Variants in ANKFN1 observed in about 807,000 individuals in gnomAD.
The protein encoded by ANKFN1 is ankyrin repeat and fibronectin type III domain containing 1.
In ANKFN1, 74 loss-of-function variants were observed where a neutral mutation model predicts 108.7. That is an observed-to-expected ratio of 0.68 (90% confidence interval 0.56 to 0.83). The LOEUF (loss-of-function observed/expected upper bound fraction) is 0.83. ANKFN1 is among the 40% of genes least tolerant of loss of function. The pLI is 0.00. For missense variants in ANKFN1, 1,505 were observed against 1,382.3 expected, an observed-to-expected ratio of 1.09 and a Z score of -1.41; for synonymous variants, 547 against 516.2, an observed-to-expected ratio of 1.06 and a Z score of -0.81.
At chr17:56,254,832 G>A (rs1039072811) in intron 3 of ANKFN1, among the ~76,000 whole-genome samples, 12 of 152,172 alleles carry the variant, frequency 7.9e-5, no homozygotes, top group Admixed American at 6.5e-5. Flanking sequence ...ATGAAGGAGT[G>A]AAGGACCTGT....
intron 3 of ANKFN1, among the ~76,000 whole-genome samples, chr17:56,267,209 C>T (rs996531987): frequency 2.0e-5 from 3 of 152,126 alleles, no homozygotes; most frequent in Non-Finnish European, 4.4e-5. Context: ...ATGTGTGTTG[C>T]GGCAAAGGAC....
In ANKFN1 at chr17:56,457,832, C is replaced by T. The variant is rs201312453; in HGVS notation, c.1441-31C>T. The T allele has an allele frequency of 1.8e-5, 27 of 1,539,916 alleles. No homozygotes were observed. In the East Asian group the frequency reaches 3.1e-4, roughly 18 times the overall value. On this transcript the variant is annotated intron_variant, in intron 13 of 20. Coordinates refer to ENST00000682825, the MANE Select transcript of ANKFN1 (RefSeq NM_001370326.1). The stretch of plus-strand genomic sequence containing the variant: ...AACCTAAATCATGTACTGGCTTGGA[C>T]GATGACATGATTGCATGCCTTCTTT...
At chr17:56,245,315 A>G (rs1917881931) in intron 3 of ANKFN1, among the ~76,000 whole-genome samples, 3 of 152,022 alleles carry the variant, frequency 2.0e-5, no homozygotes, top group Admixed American at 1.3e-4. Context: ...TGAATCTAGT[A>G]TTTAGAGGGT....
intron 8 of ANKFN1, among the ~76,000 whole-genome samples, chr17:56,392,390 A>G (rs1180749510): frequency 4.6e-5 from 7 of 152,188 alleles, no homozygotes; most frequent in Non-Finnish European, 8.8e-5. Flanking sequence ...CAAGCCAGTC[A>G]TTTAGCCCCA....
In ANKFN1 at chr17:56,510,501, C is replaced by A. The variant is rs1257867716; in HGVS notation, c.2673C>A (p.Ala891=). 1.3e-6 allele frequency: 2 copies of A among 1,536,146 alleles called. No homozygotes were observed. The highest frequency in any genetic ancestry group is 4.9e-5 in the East Asian group (2 of 40,924). The part of the protein sequence containing the change: ...SDSQPCSDEE[A]CSEVFLPTNS... The stretch of plus-strand genomic sequence containing the variant: ...CACAGCCCTGCTCTGATGAAGAAGC[C>A]TGCTCAGAAGTCTTCCTCCCCACCA... Residue 891 remains alanine, a synonymous_variant, in exon 21 of 21, where the codon GCC becomes GCA. Coordinates refer to ENST00000682825, the MANE Select transcript of ANKFN1 (RefSeq NM_001370326.1).
chr17:56,431,945 A>G (rs10852984), intron 8 of ANKFN1, among the ~76,000 whole-genome samples: 117,051 of 152,050 alleles, frequency 0.77, 45,285 homozygotes, highest in East Asian at 0.97. Flanking sequence ...AGCTCTCTCC[A>G]TGCAAGCAAC....
chr17:56,269,990 A>G (rs915597031), intron 3 of ANKFN1, among the ~76,000 whole-genome samples: 2 of 152,252 alleles, frequency 1.3e-5, no homozygotes, highest in Non-Finnish European at 2.9e-5. Context: ...AGCTCTGTTT[A>G]AGAAGAGCTA....
chr17:56,350,930 C>A lies in ANKFN1; in HGVS notation c.353C>A (p.Thr118Lys). 6.2e-7 allele frequency: 1 copy of A among 1,613,688 alleles called. No individual in the cohort carries two copies. Among genetic ancestry groups the A allele is most frequent in the South Asian group, 1.1e-5 (1 of 91,064 alleles). Residue 118 changes from threonine (T) to lysine (K), a missense_variant, in exon 5 of 21, where the codon ACA (threonine) becomes AAA (lysine). Thr to Lys is a moderately conservative substitution (Grantham distance 78). Transcript: ENST00000682825. ...HSSFDEAYFR[T>K]RTDRLSLRKT... Reference sequence around the variant, plus strand: ...TCCTTCGATGAGGCCTATTTTAGGACAAGAACTGATCGGCTGAGTCTCAGG... The same window carrying A: ...TCCTTCGATGAGGCCTATTTTAGGAAAAGAACTGATCGGCTGAGTCTCAGG...
At chr17:56,316,532 T>C (rs1373547397) in intron 3 of ANKFN1, among the ~76,000 whole-genome samples, 1 of 152,148 alleles carries the variant, frequency 6.6e-6, no homozygotes, top group African/African-American at 2.4e-5. Flanking sequence ...AGAGATTTAT[T>C]CATTTAGCAG....
intron 3 of ANKFN1, among the ~76,000 whole-genome samples, chr17:56,297,227 G>A (rs887119101): frequency 3.6e-4 from 55 of 152,156 alleles, no homozygotes; most frequent in Admixed American, 1.6e-3. Context: ...TTATTGTTAC[G>A]GCGTCTGGGC....
intron 4 of ANKFN1, among the ~76,000 whole-genome samples, chr17:56,073,688 C>T (rs1905146554): frequency 6.6e-6 from 1 of 152,244 alleles, no homozygotes; most frequent in South Asian, 2.1e-4. Flanking sequence ...TCCCTTCAGT[C>T]CCTGGTGACC....
chr17:56,336,713 ATCT>A (rs1264412606), intron 4 of ANKFN1, among the ~76,000 whole-genome samples: 2 of 151,784 alleles, frequency 1.3e-5, no homozygotes, highest in Non-Finnish European at 2.9e-5. Flanking sequence ...TTGTGTCTCT[ATCT>A]CCTTCAGTTC....
At chr17:56,201,444 T>G (rs1361798440) in intron 1 of ANKFN1, among the ~76,000 whole-genome samples, 1 of 152,228 alleles carries the variant, frequency 6.6e-6, no homozygotes, top group Non-Finnish European at 1.5e-5. Context: ...TGTATATCCA[T>G]GCTTGTTCAT....
chr17:56,164,832 A>G (rs1414951129), intron 1 of ANKFN1, among the ~76,000 whole-genome samples: 2 of 152,232 alleles, frequency 1.3e-5, no homozygotes, highest in East Asian at 3.8e-4. Context: ...CTATTGGACA[A>G]GCCACACTGG....
Position 56,510,715 on chromosome 17 carries a change from G to C in ANKFN1, c.2887G>C (p.Asp963His). 1.3e-6 allele frequency: 2 copies of C among 1,536,110 alleles called. No homozygotes were observed. The highest frequency in any genetic ancestry group is 1.7e-6 in the Non-Finnish European group (2 of 1,146,904). The change falls in exon 21 of 21, where the codon GAT becomes CAT. Residue 963 changes from aspartate to histidine, a missense_variant. Coordinates refer to ENST00000682825, the MANE Select transcript of ANKFN1 (RefSeq NM_001370326.1). ...QDPQGEGPNPDHSCAEFLHSL... is the reference protein window; with the variant it reads ...QDPQGEGPNPHHSCAEFLHSL... Reference sequence around the variant, plus strand: ...TCCCCAGGGCGAGGGCCCAAATCCCGATCACTCATGTGCCGAGTTTCTCCA... The same window carrying C: ...TCCCCAGGGCGAGGGCCCAAATCCCCATCACTCATGTGCCGAGTTTCTCCA...
At chr17:56,180,601 C>T (rs147164048) in intron 1 of ANKFN1, among the ~76,000 whole-genome samples, 1 of 152,276 alleles carries the variant, frequency 6.6e-6, no homozygotes, top group African/African-American at 2.4e-5. Context: ...ATTGGTAAAA[C>T]AATTATACTG....
intron 3 of ANKFN1, among the ~76,000 whole-genome samples, chr17:56,313,021 G>C (rs1452615874): frequency 6.6e-6 from 1 of 152,026 alleles, no homozygotes; most frequent in East Asian, 1.9e-4. Flanking sequence ...CAGGCATGGT[G>C]GTGGGCGCCT....
intron 8 of ANKFN1, among the ~76,000 whole-genome samples, chr17:56,404,989 G>A (rs2047876262): frequency 6.6e-6 from 1 of 152,180 alleles, no homozygotes. Context: ...GGGAGTGTCT[G>A]CACAGAGCCC....
intron 6 of ANKFN1, among the ~76,000 whole-genome samples, chr17:56,371,550 A>G (rs1217058664): frequency 6.6e-6 from 1 of 152,200 alleles, no homozygotes; most frequent in Non-Finnish European, 1.5e-5. Context: ...AGGGAGAAAT[A>G]TTGTTTTGGT....
Sources: gnomAD v4.1 joint callset for allele counts (sites outside exome capture counted in the v4.1 genomes callset) on GRCh38, gnomAD v4.1.1 for gene constraint, MANE v1.5 for transcripts, NCBI Gene and HGNC (gene_info 2026-07-23, HGNC 2026-07-21) for gene names.